Variants in RASGRF2 observed in about 807,000 individuals in gnomAD.
RASGRF2 encodes the protein ras-specific guanine nucleotide-releasing factor 2.
Under a neutral mutation model 151.0 loss-of-function variants are expected in RASGRF2, and 76 were observed. The observed-to-expected ratio is 0.50, with a 90% CI of 0.42 to 0.61. The LOEUF is 0.61. RASGRF2 is among the 20% of genes least tolerant of loss of function. The pLI is 0.00. For synonymous variants in RASGRF2, 504 were observed against 566.5 expected, an observed-to-expected ratio of 0.89 and a Z score of 1.57; for missense variants, 1,148 against 1,564.6, an observed-to-expected ratio of 0.73 and a Z score of 4.49.
intron 24 of RASGRF2, 128 bp downstream of exon 24, chr5:81,216,083 AT>A: frequency 1.0e-6 from 1 of 963,330 alleles, no homozygotes; most frequent in Non-Finnish European, 1.4e-6. Flanking sequence ...AACAACTTGT[AT>A]CATCTAGGTA....
At chr5:81,058,775 CAAAAAAAAAAAA>C (rs56875865) in intron 2 of RASGRF2, among the ~76,000 whole-genome samples, 2 of 70,108 alleles carry the variant, frequency 2.9e-5, no homozygotes, top group Admixed American at 2.0e-4. Context: ...GGCCCTGTAT[CAAAAAAAAAAAA>C]AAAAAAAAAA....
intron 1 of RASGRF2, among the ~76,000 whole-genome samples, chr5:80,983,367 C>G (rs1053379323): frequency 6.6e-5 from 10 of 152,198 alleles, no homozygotes; most frequent in African/African-American, 2.4e-4. Flanking sequence ...ATTGCGATGA[C>G]TTGGGCTCTC....
At chr5:81,016,382 A>C (rs1440050328) in intron 1 of RASGRF2, among the ~76,000 whole-genome samples, 2 of 152,186 alleles carry the variant, frequency 1.3e-5, no homozygotes, top group African/African-American at 4.8e-5. Context: ...CTCTGTCCAG[A>C]TTTTTATGAT....
At chr5:81,038,656 G>A (rs1382723570) in intron 1 of RASGRF2, among the ~76,000 whole-genome samples, 1 of 139,910 alleles carries the variant, frequency 7.1e-6, no homozygotes, top group Non-Finnish European at 1.5e-5. Context: ...GCAAACTGCA[G>A]TCTCAAACTC....
chr5:81,044,356 T>C (rs550335481), intron 2 of RASGRF2, among the ~76,000 whole-genome samples: 1 of 152,088 alleles, frequency 6.6e-6, no homozygotes, highest in East Asian at 1.9e-4. Context: ...AGTTGGAGGA[T>C]ACAGTGAGCC....
At chr5:80,995,399 T>TATATATATATATATATAC (rs1165966102) in intron 1 of RASGRF2, among the ~76,000 whole-genome samples, 200 of 119,726 alleles carry the variant, frequency 1.7e-3, no homozygotes, top group African/African-American at 5.3e-3. Context: ...TATATATATA[T>TATATATATATATATATAC]ACACACACAC....
chr5:81,185,844 A>C (rs1249716169), intron 18 of RASGRF2, among the ~76,000 whole-genome samples: 2 of 152,212 alleles, frequency 1.3e-5, no homozygotes, highest in African/African-American at 4.8e-5. Context: ...TGAACTGGAC[A>C]TTTTGACTGT....
At position 81,225,797 on chromosome 5, in the gene RASGRF2, G is replaced by C; in HGVS notation, c.*27G>C. On this transcript the variant is annotated 3_prime_UTR_variant, in exon 27 of 27. Coordinates refer to ENST00000265080, the MANE Select transcript of RASGRF2 (RefSeq NM_006909.3). ...GATCTGGCCTTGCCCCTGAGTCCAC[G>C]GGATGTTCATGGAAAGCAGGACAGA... 14 of 1,604,566 alleles carry C rather than the reference G, an allele frequency of 8.7e-6. No individual in the cohort carries two copies. Among genetic ancestry groups the C allele is most frequent in the Non-Finnish European group, 1.2e-5 (14 of 1,177,430 alleles).
chr5:80,974,197 G>T (rs748433641), intron 1 of RASGRF2, among the ~76,000 whole-genome samples: 1 of 152,146 alleles, frequency 6.6e-6, no homozygotes. Context: ...CAGACAGTTC[G>T]ATCAGCAGCC....
At chr5:80,968,303 C>CT (rs1747789706) in intron 1 of RASGRF2, among the ~76,000 whole-genome samples, 1 of 152,216 alleles carries the variant, frequency 6.6e-6, no homozygotes, top group Non-Finnish European at 1.5e-5. Flanking sequence ...CATCCTCCAG[C>CT]TTCAACATCT....
At chr5:81,183,071 T>C in intron 18 of RASGRF2, 1 of 632,020 alleles carries the variant, frequency 1.6e-6, no homozygotes. Flanking sequence ...GGCAACCTGA[T>C]TATTTTGAAT....
intron 2 of RASGRF2, 53 bp from the exon 3 acceptor site, chr5:81,067,979 C>T: frequency 2.8e-6 from 4 of 1,406,546 alleles, no homozygotes; most frequent in Non-Finnish European, 3.8e-6. Context: ...CTATATGGAA[C>T]TCTATATAGT....
rs534460537 is a variant in RASGRF2, at chr5:81,197,857, A to G, written c.2794-3473A>G. Among the ~76,000 whole-genome samples the G allele has an allele frequency of 5.3e-5, 8 of 152,378 alleles. No individual in the cohort carries two copies. In the East Asian group the frequency reaches 1.5e-3, roughly 29 times the overall value. ...AGCAGGACTTTGCAGTGTTCAGTTCATCTCTGAATACCTAACAATTCCTCT... is the reference window on the plus strand; with the variant it reads ...AGCAGGACTTTGCAGTGTTCAGTTCGTCTCTGAATACCTAACAATTCCTCT... On this transcript the variant is annotated intron_variant, in intron 18 of 26. Transcript: ENST00000265080.
chr5:81,126,025 T>C (rs1198465208), intron 16 of RASGRF2, among the ~76,000 whole-genome samples: 1 of 152,264 alleles, frequency 6.6e-6, no homozygotes, highest in African/African-American at 2.4e-5. Flanking sequence ...CTTGGGCACA[T>C]TAAGCAGCTC....
rs543958032 is a variant in RASGRF2, at chr5:81,206,732, G to A, written c.2907-113G>A. On this transcript the variant is annotated intron_variant, in intron 19 of 26. Transcript: ENST00000265080. ...GCAGTTGGTTGTGCTGCATGGCCTT[G>A]TAGACCCAAATCCTCAGACCTCCCA... 65 of 840,666 alleles carry A rather than the reference G, an allele frequency of 7.7e-5. No homozygotes were observed. In the African/African-American group the frequency reaches 8.9e-4, roughly 12 times the overall value. 52.1% of individuals were successfully genotyped at this position (840,666 alleles called of 1,614,324 possible).
chr5:81,031,629 C>A (rs1008562909), intron 1 of RASGRF2, among the ~76,000 whole-genome samples: 5 of 152,156 alleles, frequency 3.3e-5, no homozygotes, highest in Non-Finnish European at 7.3e-5. Context: ...ATACCCAAAT[C>A]TCTGGGACAC....
chr5:81,218,564 T>G (rs992531187), intron 25 of RASGRF2, among the ~76,000 whole-genome samples: 1 of 152,230 alleles, frequency 6.6e-6, no homozygotes, highest in African/African-American at 2.4e-5. Flanking sequence ...TACATGCCTA[T>G]TTTTGTACCA....
At chr5:81,144,644 T>C (rs114032397) in intron 17 of RASGRF2, among the ~76,000 whole-genome samples, 2,633 of 152,296 alleles carry the variant, frequency 0.017, 69 homozygotes, top group African/African-American at 0.058. Context: ...TTGCACTTAT[T>C]ATCAACATAG....
chr5:81,017,034 C>A (rs1354506529), intron 1 of RASGRF2, among the ~76,000 whole-genome samples: 1 of 152,152 alleles, frequency 6.6e-6, no homozygotes, highest in Non-Finnish European at 1.5e-5. Flanking sequence ...TGATAATTGT[C>A]ATACATCCCT....
Sources: allele counts gnomAD v4.1 joint callset (sites outside exome capture counted in the v4.1 genomes callset), GRCh38; gene constraint gnomAD v4.1.1; transcripts MANE v1.5; gene names NCBI Gene and HGNC (gene_info 2026-07-23, HGNC 2026-07-21).